RICTOR: variants seen among roughly 807,000 people sequenced by gnomAD.
RICTOR encodes RPTOR independent companion of MTOR complex 2, also known as rapamycin-insensitive companion of mTOR.
A neutral mutation model predicts 214.9 loss-of-function variants in RICTOR; 49 were observed. The observed-to-expected ratio is 0.23, with a 90% confidence interval of 0.18 to 0.29. The LOEUF (loss-of-function observed/expected upper bound fraction) is 0.29, where lower values mean the gene tolerates loss of function less well. RICTOR is among the 10% of genes least tolerant of loss of function. RICTOR has a pLI of 1.00. For missense variants in RICTOR, 1,625 were observed against 2,047.0 expected, an observed-to-expected ratio of 0.79 and a Z score of 3.98; for synonymous variants, 717 against 711.3, an observed-to-expected ratio of 1.01 and a Z score of -0.13.
chr5:39,060,486 C>T (rs573645875), intron 2 of RICTOR, among the ~76,000 whole-genome samples: 1 of 152,056 alleles, frequency 6.6e-6, no homozygotes, highest in South Asian at 2.1e-4. Flanking sequence ...TAGAAGCATA[C>T]AGGAATCAAA....
intron 17 of RICTOR, 96 bp from the exon 18 acceptor site, chr5:38,962,682 C>A: frequency 1.2e-6 from 1 of 813,178 alleles, no homozygotes; most frequent in Non-Finnish European, 1.9e-6. Context: ...GCAGCTTTTC[C>A]ATTTAAGGAT....
intron 2 of RICTOR, among the ~76,000 whole-genome samples, chr5:39,070,544 TAGAC>T (rs1759247771): frequency 3.3e-5 from 5 of 152,148 alleles, no homozygotes; most frequent in Admixed American, 3.3e-4. Context: ...TTCTAGGTAT[TAGAC>T]AGCAACCAAG....
intron 2 of RICTOR, among the ~76,000 whole-genome samples, chr5:39,069,681 G>A (rs1028688675): frequency 1.3e-5 from 2 of 152,136 alleles, no homozygotes; most frequent in African/African-American, 4.8e-5. Flanking sequence ...ATTTTAATAT[G>A]TATTTGACTT....
At chr5:39,026,203 CA>C (rs1372582816) in intron 2 of RICTOR, among the ~76,000 whole-genome samples, 1 of 152,090 alleles carries the variant, frequency 6.6e-6, no homozygotes, top group Non-Finnish European at 1.5e-5. Context: ...AATAACCAGA[CA>C]CAGTTGCTCA....
chr5:38,973,081 G>C (rs558930305), intron 10 of RICTOR, among the ~76,000 whole-genome samples: 3 of 151,988 alleles, frequency 2.0e-5, no homozygotes, highest in Non-Finnish European at 1.5e-5. Flanking sequence ...CAAAAATAAT[G>C]GTGGTTCCTT....
chr5:38,944,930 C>A lies in RICTOR; in HGVS notation c.4772G>T (p.Ser1591Ile). The A allele has an allele frequency of 6.2e-7, 1 of 1,613,958 alleles. No homozygotes were observed. The highest frequency in any genetic ancestry group is 1.1e-5 in the South Asian group (1 of 91,070). Residue 1591 changes from serine to isoleucine, a missense_variant, in exon 35 of 38, where the codon AGC becomes ATC. Ser to Ile is a moderately radical substitution (Grantham distance 142, BLOSUM62 -2). Around this residue, in one of 5 missense-constraint regions of RICTOR, gnomAD observed 1,214 missense variants for 1,470.5 expected, o/e 0.83. Coordinates refer to ENST00000357387, the MANE Select transcript of RICTOR (RefSeq NM_152756.5). ...SQEGSASSTK[S>I]TELLLGVKTI... ...AGACTCACCTAGTAACAATTCTGTG[C>A]TTTTGGTGCTGCTAGCTGAGCCTTC...
At chr5:39,010,064 C>A (rs1466870176) in intron 3 of RICTOR, among the ~76,000 whole-genome samples, 1 of 152,162 alleles carries the variant, frequency 6.6e-6, no homozygotes, top group African/African-American at 2.4e-5. Flanking sequence ...AGGGCAGGAC[C>A]AGGTGGAGAT....
At chr5:38,976,732 A>C (rs1751261375) in intron 9 of RICTOR, among the ~76,000 whole-genome samples, 1 of 152,174 alleles carries the variant, frequency 6.6e-6, no homozygotes, top group African/African-American at 2.4e-5. Flanking sequence ...TACAGGCCTG[A>C]TATCTACCTG....
At chr5:38,955,734 T>G in intron 25 of RICTOR, 30 bp from the exon 26 acceptor site, 1 of 1,190,318 alleles carries the variant, frequency 8.4e-7, no homozygotes. Context: ...TAATTGCACA[T>G]AGTATCACAA....
chr5:39,010,309 C>T (rs1259434780), intron 3 of RICTOR, among the ~76,000 whole-genome samples: 1 of 152,144 alleles, frequency 6.6e-6, no homozygotes, highest in East Asian at 1.9e-4. Context: ...TGAGGTCTCC[C>T]CAGCCATGCA....
Position 38,967,411 on chromosome 5 carries a change from T to C in RICTOR, c.1077A>G (p.Gln359=). ...AGCCATCTGAAAGCCTCCAACTGTC[T>C]TGGAACCTCCCTGGATCTAAATTAG... The part of the protein sequence containing the change: ...ALLSVDPGRF[Q]DSWRLSDGFV... Residue 359 remains glutamine, a synonymous_variant, in exon 13 of 38, where the codon CAA becomes CAG. Transcript: ENST00000357387. 6.2e-7 allele frequency: 1 copy of C among 1,612,610 alleles called. No homozygotes were observed. The highest frequency in any genetic ancestry group is 8.5e-7 in the Non-Finnish European group (1 of 1,179,080).
At chr5:39,052,632 T>A (rs753433109) in intron 2 of RICTOR, among the ~76,000 whole-genome samples, 1 of 152,226 alleles carries the variant, frequency 6.6e-6, no homozygotes, top group Non-Finnish European at 1.5e-5. Context: ...ATTTTATGTA[T>A]GTAAACATAA....
intron 2 of RICTOR, among the ~76,000 whole-genome samples, chr5:39,027,862 A>G (rs1212558811): frequency 1.3e-5 from 2 of 152,206 alleles, no homozygotes; most frequent in African/African-American, 4.8e-5. Flanking sequence ...GAAAATGAAA[A>G]GACAATCCAC....
At chr5:38,956,536 C>T (rs956028104) in intron 25 of RICTOR, among the ~76,000 whole-genome samples, 15 of 151,948 alleles carry the variant, frequency 9.9e-5, no homozygotes, top group African/African-American at 3.6e-4. Flanking sequence ...TCCGTGGATA[C>T]CCTTCTTCTA....
chr5:39,009,499 A>G (rs1754327255), intron 3 of RICTOR, among the ~76,000 whole-genome samples: 1 of 152,086 alleles, frequency 6.6e-6, no homozygotes, highest in South Asian at 2.1e-4. Flanking sequence ...AAACTGGAAA[A>G]TCATAAATAA....
chr5:39,072,625 T>G (rs1759399305), intron 2 of RICTOR, among the ~76,000 whole-genome samples: 1 of 152,238 alleles, frequency 6.6e-6, no homozygotes, highest in African/African-American at 2.4e-5. Flanking sequence ...TTAGGAAGTT[T>G]TCTAGTGAAT....
At chr5:38,994,058 C>T (rs181297182) in intron 6 of RICTOR, among the ~76,000 whole-genome samples, 1,818 of 151,970 alleles carry the variant, frequency 0.012, 15 homozygotes, top group Non-Finnish European at 0.019. Context: ...GGCGTGGTGG[C>T]GGGTGCCTGT....
chr5:39,051,645 T>C (rs189745363), intron 2 of RICTOR, among the ~76,000 whole-genome samples: 164 of 152,102 alleles, frequency 1.1e-3, no homozygotes, highest in Admixed American at 3.9e-3. Context: ...TCCCAGCTAC[T>C]TGGAGGCTGA....
chr5:38,988,403 T>G (rs1338399433), intron 7 of RICTOR, among the ~76,000 whole-genome samples: 2 of 152,192 alleles, frequency 1.3e-5, no homozygotes, highest in Non-Finnish European at 2.9e-5. Flanking sequence ...ATATTTAGGA[T>G]AGTTAGCTCT....
Sources: gnomAD v4.1 joint callset for allele counts (sites outside exome capture counted in the v4.1 genomes callset) on GRCh38, gnomAD v4.1.1 for gene constraint, gnomAD v4.1.1 regional missense constraint, MANE v1.5 for transcripts, NCBI Gene and HGNC (gene_info 2026-07-23, HGNC 2026-07-21) for gene names.